The following DUXB variants were observed in gnomAD, a reference collection of about 807,000 sequenced individuals.
The protein encoded by DUXB is double homeobox protein B.
DUXB carries 22 observed loss-of-function variants against 8.9 expected under a neutral mutation model. That is an observed-to-expected ratio of 2.46 (90% confidence interval 1.76 to 3.52). The LOEUF is 3.52. DUXB is among the 30% of genes most tolerant of loss of function. The pLI is 0.00. For missense variants in DUXB, 237 were observed against 108.7 expected, an observed-to-expected ratio of 2.18 and a Z score of -5.25; for synonymous variants, 84 against 37.6, an observed-to-expected ratio of 2.23 and a Z score of -4.52.
At chr16:75,698,226 C>T (rs1567522518) in intron 2 of DUXB, among the ~76,000 whole-genome samples, 1 of 152,192 alleles carries the variant, frequency 6.6e-6, no homozygotes, top group African/African-American at 2.4e-5. Context: ...GGACTGGTAC[C>T]TCTCTCAAAG....
chr16:75,700,581 C>T (rs531084346), intron 1 of DUXB, among the ~76,000 whole-genome samples: 2 of 151,836 alleles, frequency 1.3e-5, no homozygotes, highest in African/African-American at 2.4e-5. Flanking sequence ...GCAGTGGTAC[C>T]ATGTCAGCTC....
At position 75,701,399 on chromosome 16, in the gene DUXB, G is replaced by A. The variant is rs545048613; in HGVS notation, c.20C>T (p.Ser7Leu). The change falls in exon 1 of 5, where the codon TCA becomes TTA. Residue 7 changes from serine (S) to leucine (L), a missense_variant. By Grantham distance (145) the Ser-to-Leu change is moderately radical. Coordinates refer to ENST00000633875, the MANE Select transcript of DUXB (RefSeq NM_001351307.2). Reference protein sequence around the residue: MNLEGTSGGILQKEFWR... With the variant: MNLEGTLGGILQKEFWR... ...AAAGGCTGATGGGAACTTACCACCT[G>A]AAGTGCCCTCCAAATTCATCTTGGG... 113 of 398,610 alleles carry A rather than the reference G, an allele frequency of 2.8e-4. No individual in the cohort carries two copies. The highest frequency in any genetic ancestry group is 4.4e-4 in the Non-Finnish European group (100 of 226,074). 24.7% of individuals were successfully genotyped at this position (398,610 alleles called of 1,614,324 possible).
chr16:75,697,481 G>A lies in DUXB; in HGVS notation c.181-538C>T, dbSNP rs2082618112. 3.9e-5 allele frequency among the ~76,000 whole-genome samples: 6 copies of A among 152,136 alleles called. No individual in the cohort carries two copies. The South Asian group carries it at 1.2e-3, about 32-fold the overall frequency. The stretch of plus-strand genomic sequence containing the variant: ...TTAACAATAGATGAGGAGACTCCTA[G>A]CAAGCCACACACCTCATTTTGTCAC... On this transcript the variant is annotated intron_variant, in intron 2 of 4. Transcript: ENST00000633875.
At position 75,696,953 on chromosome 16, in the gene DUXB, A is replaced by T. The variant is rs1442761391; in HGVS notation, c.181-10T>A. Reference sequence around the variant, plus strand: ...AATTTTTAAACCAAACCTAAGTAGGAGAAGAAGATGTGATAGTCATACAAC... The same window carrying T: ...AATTTTTAAACCAAACCTAAGTAGGTGAAGAAGATGTGATAGTCATACAAC... On this transcript the variant is annotated splice_polypyrimidine_tract_variant and intron_variant, in intron 2 of 4. Coordinates refer to ENST00000633875, the MANE Select transcript of DUXB (RefSeq NM_001351307.2). 1 of 701,260 alleles carries T rather than the reference A, an allele frequency of 1.4e-6. No individual in the cohort carries two copies. Among genetic ancestry groups the T allele is most frequent in the Non-Finnish European group, 2.6e-6 (1 of 384,472 alleles). 43.4% of individuals were successfully genotyped at this position (701,260 alleles called of 1,614,324 possible). A position where few individuals can be genotyped will look rare whatever the true frequency, so the allele number is the denominator to read the frequency against.
chr16:75,698,297 T>A (rs1290591523), intron 2 of DUXB, among the ~76,000 whole-genome samples: 1 of 152,180 alleles, frequency 6.6e-6, no homozygotes, highest in African/African-American at 2.4e-5. Flanking sequence ...AATCCTTGCC[T>A]CTCACATCCA....
intron 4 of DUXB, 101 bp downstream of exon 4, chr16:75,695,860 A>G (rs1042341237): frequency 3.1e-6 from 2 of 640,386 alleles, no homozygotes; most frequent in African/African-American, 1.8e-5. Flanking sequence ...TCCGCCCTTG[A>G]TGACTTTGAT....
chr16:75,695,213 A>C (rs1474320438), intron 4 of DUXB, among the ~76,000 whole-genome samples: 2 of 152,216 alleles, frequency 1.3e-5, no homozygotes, highest in Non-Finnish European at 2.9e-5. Context: ...GGTGAGTTGA[A>C]TCTCTGACTG....
intron 2 of DUXB, among the ~76,000 whole-genome samples, chr16:75,697,898 T>G (rs981081987): frequency 6.6e-6 from 1 of 152,182 alleles, no homozygotes; most frequent in Non-Finnish European, 1.5e-5. Context: ...TGTGAGCTCT[T>G]TATGAGAATC....
Position 75,700,141 on chromosome 16 carries a change from G to GT in DUXB, c.53dup (p.Asn18LysfsTer6). On this transcript the variant is annotated frameshift_variant, in exon 2 of 5. Transcript: ENST00000633875. LOFTEE classifies it high-confidence loss of function. ...TTTGACTCTGGTTATACTGAATTCTGTTTCTCCAGAATTCTTTTTGAAGTA... is the reference window on the plus strand; with the variant it reads ...TTTGACTCTGGTTATACTGAATTCTGTTTTCTCCAGAATTCTTTTTGAAGTA... 1 of 702,388 alleles carries GT rather than the reference G, an allele frequency of 1.4e-6. No individual in the cohort carries two copies. The highest frequency in any genetic ancestry group is 2.6e-6 in the Non-Finnish European group (1 of 384,766). The allele number at this position is 702,388 out of a possible 1,614,324, so 43.5% of individuals were successfully genotyped here.
intron 2 of DUXB, among the ~76,000 whole-genome samples, chr16:75,699,514 G>T (rs559918717): frequency 6.6e-6 from 1 of 151,494 alleles, no homozygotes; most frequent in East Asian, 1.9e-4. Context: ...TCCACCTTTG[G>T]TAAAATACAT....
At chr16:75,694,584 C>T (rs1449589039) in intron 4 of DUXB, 59 bp from the exon 5 acceptor site, 3 of 699,990 alleles carry the variant, frequency 4.3e-6, no homozygotes, top group Non-Finnish European at 7.8e-6. Context: ...AACTCTGCAT[C>T]AGATACTCTA....
intron 2 of DUXB, among the ~76,000 whole-genome samples, chr16:75,697,346 A>G (rs1346929003): frequency 6.6e-6 from 1 of 152,212 alleles, no homozygotes; most frequent in Non-Finnish European, 1.5e-5. Flanking sequence ...TGCAATACAT[A>G]TGGAATTAAT....
At position 75,694,371 on chromosome 16, in the gene DUXB, G is replaced by C; in HGVS notation, c.596C>G (p.Ser199Cys). 3.0e-6 allele frequency: 2 copies of C among 671,022 alleles called. No individual in the cohort carries two copies. The highest frequency in any genetic ancestry group is 5.4e-6 in the Non-Finnish European group (2 of 373,598). 41.6% of individuals were successfully genotyped at this position (671,022 alleles called of 1,614,324 possible). Residue 199 changes from serine to cysteine, a missense_variant, in exon 5 of 5, where the codon TCT (serine) becomes TGT (cysteine). Coordinates refer to ENST00000633875, the MANE Select transcript of DUXB (RefSeq NM_001351307.2). Reference sequence around the variant, plus strand: ...ATGCCCGCTGGAAGAATGTGAGCAAGAAAAATAATGAGAGCTGTCTGTGGG... The same window carrying C: ...ATGCCCGCTGGAAGAATGTGAGCAACAAAAATAATGAGAGCTGTCTGTGGG... ...FLPTDSSHYFSCSHSSSGHET... is the reference protein window; with the variant it reads ...FLPTDSSHYFCCSHSSSGHET...
rs531120659 is a variant in DUXB at position 75,700,119 on chromosome 16, G to A, written c.76C>T (p.Gln26Ter). Reference sequence around the variant, plus strand: ...AACCATGATTGGAGGATATCCTTTTGACTCTGGTTATACTGAATTCTGTTT... The same window carrying A: ...AACCATGATTGGAGGATATCCTTTTAACTCTGGTTATACTGAATTCTGTTT... ...WRNRIQYNQS[Q>*]KDILQSWFQH... Residue 26 changes from glutamine to a stop codon, truncating the protein, a stop_gained, in exon 2 of 5, where the codon CAA becomes TAA. Transcript: ENST00000633875. LOFTEE classifies it high-confidence loss of function. 1 of 702,804 alleles carries A rather than the reference G, an allele frequency of 1.4e-6. No homozygotes were observed. Among genetic ancestry groups the A allele is most frequent in the South Asian group, 1.5e-5 (1 of 67,544 alleles). The allele number at this position is 702,804 out of a possible 1,614,324, so 43.5% of individuals were successfully genotyped here. A position where few individuals can be genotyped will look rare whatever the true frequency, so the allele number is the denominator to read the frequency against.
At chr16:75,700,328 G>T in intron 1 of DUXB, 159 bp from the exon 2 acceptor site, 1 of 499,300 alleles carries the variant, frequency 2.0e-6, no homozygotes, top group Non-Finnish European at 3.5e-6. Context: ...TCCGCTCCTG[G>T]GTTCAAGCGA....
At position 75,694,030 on chromosome 16, in the gene DUXB, G is replaced by C. The variant is rs2151831354; in HGVS notation, c.937C>G (p.Leu313Val). 5.0e-6 allele frequency: 2 copies of C among 403,088 alleles called. No individual in the cohort carries two copies. The highest frequency in any genetic ancestry group is 8.7e-6 in the Non-Finnish European group (2 of 229,386). The allele number at this position is 403,088 out of a possible 1,614,324, so 25.0% of individuals were successfully genotyped here. A position where few individuals can be genotyped will look rare whatever the true frequency, so the allele number is the denominator to read the frequency against. Reference protein sequence around the residue: ...PEPEHREQQPLNLGQFDISNI... With the variant: ...PEPEHREQQPVNLGQFDISNI... ...GATATGTCAAACTGACCCAGATTTA[G>C]AGGTTGTTGCTCCCTGTGCTCAGGT... is the stretch of plus-strand genomic sequence containing the variant. The change falls in exon 5 of 5, where the codon CTA becomes GTA. Residue 313 changes from leucine to valine, a missense_variant. Coordinates refer to ENST00000633875, the MANE Select transcript of DUXB (RefSeq NM_001351307.2).
rs2082586485 is a variant in DUXB at position 75,694,280 on chromosome 16, G to A, written c.687C>T (p.Ser229=). 1.7e-6 allele frequency: 1 copy of A among 601,986 alleles called. No homozygotes were observed. Among genetic ancestry groups the A allele is most frequent in the Non-Finnish European group, 2.9e-6 (1 of 340,502 alleles). 37.3% of individuals were successfully genotyped at this position (601,986 alleles called of 1,614,324 possible). ...APWDPFRFHV[S]QGPNVMIMQP... Reference sequence around the variant, plus strand: ...GCATGATCATGACATTTGGTCCTTGGCTCACATGGAACCTGAAGGGATCCC... The same window carrying A: ...GCATGATCATGACATTTGGTCCTTGACTCACATGGAACCTGAAGGGATCCC... Residue 229 remains serine, a synonymous_variant, in exon 5 of 5, where the codon AGC becomes AGT. Transcript: ENST00000633875.
intron 1 of DUXB, among the ~76,000 whole-genome samples, chr16:75,700,553 T>G (rs1311592905): frequency 6.6e-6 from 1 of 152,074 alleles, no homozygotes; most frequent in African/African-American, 2.4e-5. Context: ...AGTCTCGATC[T>G]GTTGCCTAGG....
chr16:75,695,846 C>T (rs751263849), intron 4 of DUXB, 115 bp downstream of exon 4: 101 of 616,330 alleles, frequency 1.6e-4, no homozygotes, highest in South Asian at 2.9e-4. Context: ...TACCATCCCC[C>T]GTTTCCGCCC....
Sources: allele counts gnomAD v4.1 joint callset (sites outside exome capture counted in the v4.1 genomes callset), GRCh38; gene constraint gnomAD v4.1.1; transcripts MANE v1.5; gene names NCBI Gene and HGNC (gene_info 2026-07-23, HGNC 2026-07-21).